CCDC178: variants seen among roughly 807,000 people sequenced by gnomAD.
The protein encoded by CCDC178 is coiled-coil domain containing 178.
CCDC178 carries 126 observed loss-of-function variants against 117.4 expected under a neutral mutation model. The observed-to-expected ratio is 1.07, with a 90% CI of 0.93 to 1.24. CCDC178 has a LOEUF of 1.24. Ranked by LOEUF, CCDC178 falls within the 50% of genes most tolerant of loss-of-function variation. The probability of loss-of-function intolerance (pLI) is 0.00; values close to 1 mark genes in which losing one functional copy is unlikely to be tolerated. For missense variants in CCDC178, 1,030 were observed against 986.9 expected (o/e 1.04, Z -0.59); for synonymous variants, 283 against 313.4 (o/e 0.90, Z 1.02).
intron 21 of CCDC178, among the ~76,000 whole-genome samples, chr18:33,002,479 T>A (rs927819988): frequency 6.6e-6 from 1 of 151,936 alleles, no homozygotes; most frequent in African/African-American, 2.4e-5. Flanking sequence ...AAAATTTTTT[T>A]AAAACAAATA....
intron 21 of CCDC178, among the ~76,000 whole-genome samples, chr18:33,030,608 A>G (rs1164842413): frequency 6.6e-6 from 1 of 151,938 alleles, no homozygotes; most frequent in East Asian, 1.9e-4. Flanking sequence ...TTTAATGGGG[A>G]ATTGGTTCAC....
chr18:33,182,954 T>G (rs1461083975), intron 20 of CCDC178, among the ~76,000 whole-genome samples: 4 of 152,022 alleles, frequency 2.6e-5, no homozygotes, highest in East Asian at 1.9e-4. Flanking sequence ...TGAATCTCAG[T>G]TTTTATTACA....
chr18:33,153,155 T>TAA lies in CCDC178; in HGVS notation c.2238+58739_2238+58740dup, dbSNP rs1411799230. The stretch of plus-strand genomic sequence containing the variant: ...TGACAATTATATATATATATATATA[T>TAA]AACATATATTATATATTATATATAT... On this transcript the variant is annotated intron_variant, in intron 20 of 22. Coordinates refer to ENST00000383096, the MANE Select transcript of CCDC178 (RefSeq NM_001105528.4). Among the ~76,000 whole-genome samples the TAA allele has an allele frequency of 3.8e-4, 56 of 146,154 alleles. 1 individual carries two copies. The highest frequency in any genetic ancestry group is 8.5e-4 in the South Asian group (4 of 4,728).
chr18:33,288,063 AG>A lies in CCDC178; in HGVS notation c.1176+5095del, dbSNP rs1200382840. 2.0e-5 allele frequency among the ~76,000 whole-genome samples: 3 copies of A among 152,128 alleles called. No individual in the cohort carries two copies. In the East Asian group the frequency reaches 5.8e-4, roughly 29 times the overall value. On this transcript the variant is annotated intron_variant, in intron 12 of 22. Transcript: ENST00000383096. ...TGCTATACTTCCCTGGGGCTTTTAT[AG>A]TAATCCCTGGGAAAGCTACAGGCAT...
intron 20 of CCDC178, among the ~76,000 whole-genome samples, chr18:33,154,390 C>G (rs1369768782): frequency 6.6e-6 from 1 of 152,146 alleles, no homozygotes; most frequent in Non-Finnish European, 1.5e-5. Flanking sequence ...TCAGTGAACA[C>G]TGACTCCAAG....
chr18:33,249,683 G>C (rs2059594699), intron 14 of CCDC178, among the ~76,000 whole-genome samples: 1 of 152,090 alleles, frequency 6.6e-6, no homozygotes, highest in Admixed American at 6.6e-5. Flanking sequence ...TTGTAGCATA[G>C]TTTGAAGTGA....
chr18:33,331,766 C>G, intron 10 of CCDC178, among the ~76,000 whole-genome samples: 1 of 152,124 alleles, frequency 6.6e-6, no homozygotes, highest in East Asian at 1.9e-4. Context: ...GCCACTACTT[C>G]AGTAATAGAA....
rs1173236351 is a variant in CCDC178, at chr18:33,417,860, C to T, written c.-22-5750G>A. The stretch of plus-strand genomic sequence containing the variant: ...ATTTAATCAGTAATAAAAAGCCTAC[C>T]AACCAGAAAAAGCCCAGTACCAGAG... On this transcript the variant is annotated intron_variant, in intron 2 of 22. Coordinates refer to ENST00000383096, the MANE Select transcript of CCDC178 (RefSeq NM_001105528.4). 2.0e-5 allele frequency among the ~76,000 whole-genome samples: 3 copies of T among 151,982 alleles called. No individual in the cohort carries two copies. In the East Asian group the frequency reaches 5.8e-4, roughly 29 times the overall value.
At chr18:33,399,093 G>A (rs1189747554) in intron 3 of CCDC178, among the ~76,000 whole-genome samples, 3 of 152,164 alleles carry the variant, frequency 2.0e-5, no homozygotes, top group South Asian at 2.1e-4. Context: ...CCAGCTACAC[G>A]GGAGGCTGAG....
At chr18:33,021,066 G>A (rs2056106584) in intron 21 of CCDC178, among the ~76,000 whole-genome samples, 1 of 152,176 alleles carries the variant, frequency 6.6e-6, no homozygotes, top group Non-Finnish European at 1.5e-5. Flanking sequence ...TAAGGCCACT[G>A]CCACCTGGAG....
chr18:33,105,085 C>A (rs1314227674), intron 20 of CCDC178, among the ~76,000 whole-genome samples: 1 of 151,522 alleles, frequency 6.6e-6, no homozygotes, highest in Non-Finnish European at 1.5e-5. Flanking sequence ...GAATGCAGGA[C>A]TCAAAAGCAA....
In CCDC178 at chr18:33,076,315, G is replaced by A. The variant is rs889080973; in HGVS notation, c.2388+16446C>T. ...CTTAGGTGAGAAAGATCCCATCCAC[G>A]TTAGCAGACATTGCTCTTAAGAAGA... On this transcript the variant is annotated intron_variant, in intron 21 of 22. Transcript: ENST00000383096. Among the ~76,000 whole-genome samples the A allele has an allele frequency of 9.2e-5, 14 of 152,176 alleles. No homozygotes were observed. The South Asian group carries it at 2.3e-3, about 25-fold the overall frequency.
chr18:33,124,620 T>G (rs2057981123), intron 20 of CCDC178, among the ~76,000 whole-genome samples: 1 of 151,170 alleles, frequency 6.6e-6, no homozygotes. Context: ...ATATAAATTG[T>G]TTGTATCTTC....
intron 4 of CCDC178, among the ~76,000 whole-genome samples, chr18:33,396,913 T>C (rs1337628317): frequency 6.6e-6 from 1 of 152,134 alleles, no homozygotes; most frequent in Non-Finnish European, 1.5e-5. Flanking sequence ...TACACTCTTC[T>C]TAAGTATGCA....
chr18:33,417,605 A>G (rs2063963653), intron 2 of CCDC178, among the ~76,000 whole-genome samples: 2 of 152,038 alleles, frequency 1.3e-5, no homozygotes, highest in South Asian at 4.1e-4. Context: ...AATAAGTTCC[A>G]TTGCCTGTAT....
intron 2 of CCDC178, among the ~76,000 whole-genome samples, chr18:33,432,519 A>G (rs1001867463): frequency 1.4e-5 from 2 of 143,402 alleles, no homozygotes; most frequent in Non-Finnish European, 3.1e-5. Flanking sequence ...ACACACACAC[A>G]CTAACTGAAT....
intron 21 of CCDC178, among the ~76,000 whole-genome samples, chr18:32,987,935 T>A (rs2055297648): frequency 6.6e-6 from 1 of 151,572 alleles, no homozygotes. Flanking sequence ...CTGTCTCTAC[T>A]GCGTGGTGGC....
chr18:33,127,031 CACACACACAT>C lies in CCDC178; in HGVS notation c.2239-34131_2239-34122del, dbSNP rs201694950. Among the ~76,000 whole-genome samples, 219 of 149,426 alleles carry C rather than the reference CACACACACAT, an allele frequency of 1.5e-3. 1 individual carries two copies. The highest frequency in any genetic ancestry group is 3.5e-3 in the Middle Eastern group (1 of 284). On this transcript the variant is annotated intron_variant, in intron 20 of 22. Transcript: ENST00000383096. ...ATATATATATACACACACACACACA[CACACACACAT>C]GGATCTTTGCAATTCAAACCTGTGT...
intron 21 of CCDC178, among the ~76,000 whole-genome samples, chr18:33,040,586 T>G (rs1302813214): frequency 6.6e-6 from 1 of 151,988 alleles, no homozygotes; most frequent in Non-Finnish European, 1.5e-5. Context: ...CTGCTATCCT[T>G]TATAGATAAA....
Sources: allele counts gnomAD v4.1 joint callset (sites outside exome capture counted in the v4.1 genomes callset), GRCh38; gene constraint gnomAD v4.1.1; transcripts MANE v1.5; gene names NCBI Gene and HGNC (gene_info 2026-07-23, HGNC 2026-07-21).